Variants in PCCA observed in about 807,000 individuals in gnomAD.
PCCA encodes the protein propionyl-CoA carboxylase alpha chain, mitochondrial.
Under a neutral mutation model 101.3 loss-of-function variants are expected in PCCA, and 74 were observed. The observed-to-expected ratio is 0.73, with a 90% CI of 0.61 to 0.89. The LOEUF (loss-of-function observed/expected upper bound fraction) is 0.89, where lower values mean the gene tolerates loss of function less well. Ranked by LOEUF, PCCA falls within the 40% of genes least tolerant of loss-of-function variation. The probability of loss-of-function intolerance (pLI) is 0.00; values close to 1 mark genes in which losing one functional copy is unlikely to be tolerated. For missense variants in PCCA, 891 were observed against 907.0 expected, an observed-to-expected ratio of 0.98 and a Z score of 0.23; for synonymous variants, 294 against 313.6, an observed-to-expected ratio of 0.94 and a Z score of 0.66.
At chr13:100,398,090 GA>G (rs2077138248) in intron 19 of PCCA, among the ~76,000 whole-genome samples, 1 of 152,118 alleles carries the variant, frequency 6.6e-6, no homozygotes, top group African/African-American at 2.4e-5. Context: ...AACCAGCTAC[GA>G]AAAACACCAA....
intron 20 of PCCA, among the ~76,000 whole-genome samples, chr13:100,438,049 C>A (rs1160149641): frequency 3.3e-5 from 5 of 151,916 alleles, no homozygotes; most frequent in Non-Finnish European, 5.9e-5. Flanking sequence ...TTTATTTAAA[C>A]CAGTGTACCT....
intron 10 of PCCA, among the ~76,000 whole-genome samples, chr13:100,268,257 G>T (rs997755321): frequency 6.6e-6 from 1 of 152,102 alleles, no homozygotes; most frequent in Non-Finnish European, 1.5e-5. Flanking sequence ...ATTACATATT[G>T]GGTGGAAATG....
At chr13:100,458,318 C>T (rs2081905025) in intron 21 of PCCA, among the ~76,000 whole-genome samples, 1 of 119,998 alleles carries the variant, frequency 8.3e-6, no homozygotes, top group African/African-American at 3.0e-5. Context: ...CACACACACA[C>T]ACACACACAC....
intron 21 of PCCA, among the ~76,000 whole-genome samples, chr13:100,501,717 C>CAA (rs35434538): frequency 1.3e-5 from 2 of 151,538 alleles, no homozygotes; most frequent in Admixed American, 6.6e-5. Context: ...ACTAAAAATA[C>CAA]AAAAAAATTA....
chr13:100,416,934 C>T (rs967825338), intron 19 of PCCA, among the ~76,000 whole-genome samples: 1 of 152,150 alleles, frequency 6.6e-6, no homozygotes. Flanking sequence ...ACCTCTGCCT[C>T]CCAGGTTCAA....
chr13:100,223,970 G>C (rs1156595412), intron 7 of PCCA, among the ~76,000 whole-genome samples: 1 of 152,262 alleles, frequency 6.6e-6, no homozygotes, highest in Non-Finnish European at 1.5e-5. Context: ...CCAGACTCAG[G>C]AGCCCAGCTG....
chr13:100,199,899 A>G (rs192369390), intron 6 of PCCA, among the ~76,000 whole-genome samples: 37 of 152,248 alleles, frequency 2.4e-4, no homozygotes, highest in East Asian at 1.7e-3. Context: ...AAGTTAGCCA[A>G]TTCTTTTGAA....
chr13:100,213,022 C>T (rs2059314107), intron 7 of PCCA, among the ~76,000 whole-genome samples: 1 of 152,090 alleles, frequency 6.6e-6, no homozygotes, highest in African/African-American at 2.4e-5. Context: ...GTTCATTTAA[C>T]ATAATGTCCT....
intron 21 of PCCA, among the ~76,000 whole-genome samples, chr13:100,466,982 C>T (rs1010582903): frequency 6.6e-6 from 1 of 152,146 alleles, no homozygotes; most frequent in African/African-American, 2.4e-5. Context: ...GGCCGGGGGA[C>T]GATCGTTGCT....
At chr13:100,360,477 CA>C (rs1180429250) in intron 18 of PCCA, among the ~76,000 whole-genome samples, 1 of 152,154 alleles carries the variant, frequency 6.6e-6, no homozygotes, top group Non-Finnish European at 1.5e-5. Context: ...ACATCTAAAA[CA>C]TGTGAGTATA....
At chr13:100,500,548 T>G (rs1470495513) in intron 21 of PCCA, among the ~76,000 whole-genome samples, 1 of 152,184 alleles carries the variant, frequency 6.6e-6, no homozygotes, top group Non-Finnish European at 1.5e-5. Context: ...TAAGGCTGGT[T>G]TCAGCTCATC....
At chr13:100,192,421 G>T (rs1448315410) in intron 6 of PCCA, among the ~76,000 whole-genome samples, 5 of 152,182 alleles carry the variant, frequency 3.3e-5, no homozygotes, top group African/African-American at 1.2e-4. Context: ...TTTGTAGGAT[G>T]AATGAATACA....
chr13:100,332,714 C>G (rs2069818600), intron 17 of PCCA, among the ~76,000 whole-genome samples: 2 of 152,124 alleles, frequency 1.3e-5, no homozygotes, highest in Non-Finnish European at 2.9e-5. Context: ...GTACTTAAAC[C>G]TAGATATTGC....
intron 21 of PCCA, among the ~76,000 whole-genome samples, chr13:100,472,067 G>A: frequency 6.6e-6 from 1 of 151,782 alleles, no homozygotes; most frequent in East Asian, 1.9e-4. Context: ...CTTCACAGTG[G>A]AATACAAGGG....
intron 21 of PCCA, among the ~76,000 whole-genome samples, chr13:100,478,523 C>G (rs1261403404): frequency 6.6e-6 from 1 of 152,212 alleles, no homozygotes; most frequent in African/African-American, 2.4e-5. Flanking sequence ...GTCCCCTCCC[C>G]CAGCACACTC....
At chr13:100,520,719 T>C (rs2087217994) in intron 22 of PCCA, among the ~76,000 whole-genome samples, 1 of 149,220 alleles carries the variant, frequency 6.7e-6, no homozygotes, top group Non-Finnish European at 1.5e-5. Flanking sequence ...CAGAAAAAGA[T>C]GAGGAGGTAA....
intron 4 of PCCA, among the ~76,000 whole-genome samples, chr13:100,152,033 C>T (rs1168628297): frequency 6.6e-6 from 1 of 152,108 alleles, no homozygotes; most frequent in African/African-American, 2.4e-5. Flanking sequence ...ACAACAATGA[C>T]AACAAAATTG....
intron 4 of PCCA, among the ~76,000 whole-genome samples, chr13:100,127,193 A>G (rs2050036823): frequency 6.6e-6 from 1 of 152,190 alleles, no homozygotes; most frequent in Admixed American, 6.5e-5. Context: ...TGACTTATTC[A>G]TTTGTATGTT....
intron 21 of PCCA, among the ~76,000 whole-genome samples, chr13:100,500,534 C>T (rs1469434424): frequency 6.6e-6 from 1 of 152,134 alleles, no homozygotes; most frequent in South Asian, 2.1e-4. Flanking sequence ...AAATATTGAG[C>T]AGTTAAGGCT....
Sources: gnomAD v4.1 joint callset for allele counts (sites outside exome capture counted in the v4.1 genomes callset) on GRCh38, gnomAD v4.1.1 for gene constraint, MANE v1.5 for transcripts, NCBI Gene and HGNC (gene_info 2026-07-23, HGNC 2026-07-21) for gene names.